SLC18A2: variants seen among roughly 807,000 people sequenced by gnomAD.
The protein encoded by SLC18A2 is synaptic vesicular amine transporter.
Under a neutral mutation model 59.2 loss-of-function variants are expected in SLC18A2, and 33 were observed. That is an observed-to-expected ratio of 0.56 (90% CI 0.42 to 0.75). The LOEUF is 0.75. SLC18A2 is among the 30% of genes least tolerant of loss of function. The probability of loss-of-function intolerance (pLI) is 0.00; values close to 1 mark genes in which losing one functional copy is unlikely to be tolerated. For missense variants in SLC18A2, 569 were observed against 668.6 expected, an observed-to-expected ratio of 0.85 and a Z score of 1.64; for synonymous variants, 228 against 253.5, an observed-to-expected ratio of 0.90 and a Z score of 0.95.
At chr10:117,270,749 T>C (rs1844415973) in intron 15 of SLC18A2, among the ~76,000 whole-genome samples, 1 of 152,262 alleles carries the variant, frequency 6.6e-6, no homozygotes, top group African/African-American at 2.4e-5. Context: ...TCATTCAATT[T>C]GATTTTCTAT....
chr10:117,273,438 G>T (rs934650096), intron 15 of SLC18A2, among the ~76,000 whole-genome samples: 13 of 152,122 alleles, frequency 8.5e-5, no homozygotes, highest in African/African-American at 3.1e-4. Flanking sequence ...TTTTACTCTT[G>T]AAGTTTCTAA....
At chr10:117,268,813 T>C (rs1844380257) in intron 13 of SLC18A2, 1 of 149,688 alleles carries the variant, frequency 6.7e-6, no homozygotes, top group Non-Finnish European at 1.5e-5. Flanking sequence ...ATTATGTGTG[T>C]GTATGTATGT....
At chr10:117,267,876 C>A in intron 13 of SLC18A2, 140 bp downstream of exon 13, 1 of 557,238 alleles carries the variant, frequency 1.8e-6, no homozygotes, top group South Asian at 3.0e-5. Flanking sequence ...AGCTAAATTA[C>A]AGCCTGTCGA....
intron 15 of SLC18A2, among the ~76,000 whole-genome samples, chr10:117,272,055 C>A (rs1844433933): frequency 6.6e-6 from 1 of 152,146 alleles, no homozygotes; most frequent in South Asian, 2.1e-4. Context: ...ACACTGGCCC[C>A]ACCATGTAGA....
At chr10:117,245,181 TTGG>T (rs746368091) in intron 3 of SLC18A2, among the ~76,000 whole-genome samples, 1 of 151,966 alleles carries the variant, frequency 6.6e-6, no homozygotes, top group Non-Finnish European at 1.5e-5. Flanking sequence ...CAGTTAAGTG[TTGG>T]TGGTGGGCTG....
chr10:117,251,950 T>A (rs1295605848), intron 3 of SLC18A2, among the ~76,000 whole-genome samples: 14 of 151,830 alleles, frequency 9.2e-5, no homozygotes, highest in Admixed American at 9.2e-4. Context: ...GGCGCTATGA[T>A]TATTTTTTAT....
At chr10:117,256,579 C>T (rs1194986043) in intron 9 of SLC18A2, among the ~76,000 whole-genome samples, 1 of 152,206 alleles carries the variant, frequency 6.6e-6, no homozygotes, top group Non-Finnish European at 1.5e-5. Flanking sequence ...AACCCTCAGG[C>T]TGGTTTTGTT....
At chr10:117,255,142 A>G in intron 6 of SLC18A2, 135 bp from the exon 7 acceptor site, 1 of 776,482 alleles carries the variant, frequency 1.3e-6, no homozygotes, top group African/African-American at 1.7e-5. Flanking sequence ...CTAACCGAAC[A>G]GAACAATAGG....
intron 15 of SLC18A2, 117 bp downstream of exon 15, chr10:117,270,580 T>G: frequency 8.2e-7 from 1 of 1,214,518 alleles, no homozygotes; most frequent in Non-Finnish European, 1.1e-6. Flanking sequence ...GAATTCCTTT[T>G]TAGTTTGTAC....
At chr10:117,267,234 A>G (rs1844358908) in intron 12 of SLC18A2, 199 bp downstream of exon 12, 2 of 560,566 alleles carry the variant, frequency 3.6e-6, no homozygotes, top group African/African-American at 3.8e-5. Context: ...TATGTCAGAA[A>G]TTATTTAAAA....
intron 10 of SLC18A2, among the ~76,000 whole-genome samples, chr10:117,260,611 A>G (rs1565005971): frequency 6.6e-6 from 1 of 152,218 alleles, no homozygotes. Context: ...TGCCCTGTTT[A>G]ACTGGAAACC....
chr10:117,257,361 G>A (rs186891187), intron 9 of SLC18A2, among the ~76,000 whole-genome samples: 135 of 152,038 alleles, frequency 8.9e-4, no homozygotes, highest in African/African-American at 2.8e-3. Context: ...GCATTTCTAG[G>A]TATCATTAGA....
chr10:117,242,329 T>A (rs1468556986), intron 2 of SLC18A2, among the ~76,000 whole-genome samples: 1 of 152,198 alleles, frequency 6.6e-6, no homozygotes, highest in Non-Finnish European at 1.5e-5. Flanking sequence ...ATTTGAACAA[T>A]CTTGGTTCTA....
chr10:117,269,288 CATAT>C lies in SLC18A2; in HGVS notation c.1187-779_1187-776del, dbSNP rs1237240680. ...ATACACATGCAAACACATGTACACA[CATAT>C]ATACACATACATACACAGATACATA... On this transcript the variant is annotated intron_variant, in intron 13 of 15. Coordinates refer to ENST00000644641, the MANE Select transcript of SLC18A2 (RefSeq NM_003054.6). The surrounding 1 kb of genome is among the most constrained non-coding windows in gnomAD (Gnocchi z 5.1). Among the ~76,000 whole-genome samples the C allele has an allele frequency of 6.6e-6, 1 of 151,888 alleles. No individual in the cohort carries two copies. Among genetic ancestry groups the C allele is most frequent in the Non-Finnish European group, 1.5e-5 (1 of 67,992 alleles).
chr10:117,274,553 G>A (rs535523679), intron 15 of SLC18A2, among the ~76,000 whole-genome samples: 2 of 152,252 alleles, frequency 1.3e-5, no homozygotes, highest in East Asian at 1.9e-4. Context: ...TGCAAGGATC[G>A]AGGCCCCATG....
intron 3 of SLC18A2, among the ~76,000 whole-genome samples, chr10:117,246,889 G>A (rs770335885): frequency 6.6e-6 from 1 of 152,110 alleles, no homozygotes; most frequent in Non-Finnish European, 1.5e-5. Context: ...CCTGACCTCA[G>A]GTGATCTGCC....
At chr10:117,246,361 A>G (rs1296399719) in intron 3 of SLC18A2, among the ~76,000 whole-genome samples, 1 of 152,208 alleles carries the variant, frequency 6.6e-6, no homozygotes, top group African/African-American at 2.4e-5. Context: ...CTTATTTTTA[A>G]TGCTTTGCTT....
intron 2 of SLC18A2, among the ~76,000 whole-genome samples, chr10:117,242,482 G>A (rs1036090338): frequency 6.6e-6 from 1 of 151,684 alleles, no homozygotes; most frequent in Non-Finnish European, 1.5e-5. Flanking sequence ...AAAAAATCAC[G>A]ACTCATTTAG....
At chr10:117,246,805 A>G (rs1209754039) in intron 3 of SLC18A2, among the ~76,000 whole-genome samples, 2 of 152,058 alleles carry the variant, frequency 1.3e-5, no homozygotes, top group East Asian at 3.9e-4. Flanking sequence ...GGCGTGCACC[A>G]CTATGCCTGG....
Sources: allele counts gnomAD v4.1 joint callset (sites outside exome capture counted in the v4.1 genomes callset), GRCh38; gene constraint gnomAD v4.1.1; non-coding constraint Gnocchi (gnomAD v3.1); transcripts MANE v1.5; gene names NCBI Gene and HGNC (gene_info 2026-07-23, HGNC 2026-07-21).